UNC5D: variants seen among roughly 807,000 people sequenced by gnomAD.
UNC5D encodes the protein netrin receptor UNC5D.
UNC5D carries 39 observed loss-of-function variants against 105.4 expected under a neutral mutation model. That is an observed-to-expected ratio of 0.37 (90% CI 0.29 to 0.48). UNC5D has a LOEUF of 0.48. Ranked by LOEUF, UNC5D falls within the 20% of genes least tolerant of loss-of-function variation. The pLI is 0.98. For missense variants in UNC5D, 991 were observed against 1,202.4 expected (o/e 0.82, Z 2.60); for synonymous variants, 452 against 450.4 (o/e 1.00, Z -0.04).
chr8:35,412,110 G>A (rs1361418763), intron 1 of UNC5D, among the ~76,000 whole-genome samples: 1 of 151,986 alleles, frequency 6.6e-6, no homozygotes, highest in Admixed American at 6.6e-5. Flanking sequence ...ACTGCCTCTG[G>A]TCAGTGTCTG....
intron 12 of UNC5D, among the ~76,000 whole-genome samples, 156 bp downstream of exon 12, chr8:35,748,851 GTTT>G (rs1196519728): frequency 6.6e-6 from 1 of 151,972 alleles, no homozygotes; most frequent in Non-Finnish European, 1.5e-5. Context: ...TTGGCTAGTT[GTTT>G]TTCTTCCCCC....
intron 14 of UNC5D, among the ~76,000 whole-genome samples, chr8:35,762,938 G>C (rs931722373): frequency 1.3e-5 from 2 of 152,100 alleles, no homozygotes; most frequent in African/African-American, 4.8e-5. Context: ...AATTATAATA[G>C]GAGTCAAAAT....
intron 4 of UNC5D, among the ~76,000 whole-genome samples, chr8:35,634,401 A>G (rs983492525): frequency 1.3e-5 from 2 of 152,254 alleles, no homozygotes; most frequent in Admixed American, 6.5e-5. Context: ...TAGAAACACT[A>G]TAGCAAAACA....
intron 1 of UNC5D, among the ~76,000 whole-genome samples, chr8:35,432,085 G>C (rs540680585): frequency 6.6e-6 from 1 of 152,222 alleles, no homozygotes; most frequent in South Asian, 2.1e-4. Flanking sequence ...CAGTATACCT[G>C]AGTTGGAATT....
intron 1 of UNC5D, among the ~76,000 whole-genome samples, chr8:35,415,906 T>C (rs1381606783): frequency 6.6e-6 from 1 of 152,158 alleles, no homozygotes; most frequent in Non-Finnish European, 1.5e-5. Flanking sequence ...CTGAAAGACC[T>C]GAGTTTGATT....
intron 1 of UNC5D, among the ~76,000 whole-genome samples, chr8:35,350,742 A>G (rs1029870085): frequency 1.3e-5 from 2 of 151,982 alleles, no homozygotes; most frequent in African/African-American, 4.8e-5. Context: ...TGTTTAATAA[A>G]CCGGGGGAAT....
intron 1 of UNC5D, among the ~76,000 whole-genome samples, chr8:35,547,285 CT>C (rs11363785): frequency 0.041 from 5,199 of 127,972 alleles, 178 homozygotes; most frequent in African/African-American, 0.11. Flanking sequence ...GAACATTACT[CT>C]TTTTTTTTTT....
chr8:35,334,916 C>T (rs1438008737), intron 1 of UNC5D, among the ~76,000 whole-genome samples: 1 of 152,188 alleles, frequency 6.6e-6, no homozygotes, highest in Admixed American at 6.5e-5. Context: ...ACGCCTCACC[C>T]CAGAACTTTC....
chr8:35,577,067 A>G (rs1211288713), intron 3 of UNC5D, among the ~76,000 whole-genome samples: 1 of 152,154 alleles, frequency 6.6e-6, no homozygotes, highest in Non-Finnish European at 1.5e-5. Flanking sequence ...CTATATGTTT[A>G]TTTATATAGA....
intron 1 of UNC5D, among the ~76,000 whole-genome samples, chr8:35,410,804 C>T (rs1805114664): frequency 6.6e-6 from 1 of 152,114 alleles, no homozygotes; most frequent in African/African-American, 2.4e-5. Context: ...GCGTGGAGCC[C>T]CCATCTTCTG....
At chr8:35,514,872 T>C (rs1468534890) in intron 1 of UNC5D, among the ~76,000 whole-genome samples, 1 of 152,226 alleles carries the variant, frequency 6.6e-6, no homozygotes, top group Non-Finnish European at 1.5e-5. Context: ...TTTTGTCTTC[T>C]TCAGCTGGCA....
At chr8:35,408,355 G>C (rs1804942680) in intron 1 of UNC5D, among the ~76,000 whole-genome samples, 1 of 151,208 alleles carries the variant, frequency 6.6e-6, no homozygotes, top group African/African-American at 2.4e-5. Flanking sequence ...ATGTAGATAT[G>C]ACAATCTAGG....
intron 1 of UNC5D, among the ~76,000 whole-genome samples, chr8:35,242,653 T>G (rs1260864645): frequency 1.3e-5 from 2 of 152,082 alleles, no homozygotes; most frequent in East Asian, 3.9e-4. Flanking sequence ...AATGTTTGTA[T>G]TTTTACAGAC....
chr8:35,619,113 C>T (rs945077768), intron 4 of UNC5D, among the ~76,000 whole-genome samples: 5 of 152,046 alleles, frequency 3.3e-5, no homozygotes, highest in African/African-American at 1.2e-4. Context: ...GCTCAAGCAT[C>T]CAACAAATGA....
At chr8:35,786,758 ATCT>A in intron 16 of UNC5D, among the ~76,000 whole-genome samples, 1 of 152,118 alleles carries the variant, frequency 6.6e-6, no homozygotes, top group African/African-American at 2.4e-5. Flanking sequence ...GTTCAGCCTG[ATCT>A]TCTTTCAAAT....
rs569849020 is a variant in UNC5D, at chr8:35,779,708, G to A, written c.2657+5231G>A. On this transcript the variant is annotated intron_variant, in intron 16 of 16. Transcript: ENST00000404895. Reference sequence around the variant, plus strand: ...TGGCCTCAAGTAATCCGCCTGCCTCGGCCTCCCAAAGTGCTGAGATTACAG... The same window carrying A: ...TGGCCTCAAGTAATCCGCCTGCCTCAGCCTCCCAAAGTGCTGAGATTACAG... Among the ~76,000 whole-genome samples, 3 of 152,098 alleles carry A rather than the reference G, an allele frequency of 2.0e-5. No individual in the cohort carries two copies. The East Asian group carries it at 5.8e-4, about 29-fold the overall frequency.
chr8:35,726,109 T>G (rs778872436), intron 9 of UNC5D, 43 bp from the exon 10 acceptor site: 1 of 1,571,686 alleles, frequency 6.4e-7, no homozygotes, highest in Non-Finnish European at 8.6e-7. Context: ...GTAACTGAGA[T>G]GCCTTTTAGT....
intron 1 of UNC5D, among the ~76,000 whole-genome samples, chr8:35,327,528 C>A (rs1810261988): frequency 1.3e-5 from 2 of 152,206 alleles, no homozygotes; most frequent in Admixed American, 1.3e-4. Flanking sequence ...TCTGTGAGTG[C>A]ACAAGGTGCC....
intron 1 of UNC5D, among the ~76,000 whole-genome samples, chr8:35,376,731 C>T (rs983575362): frequency 1.3e-5 from 2 of 152,164 alleles, no homozygotes; most frequent in Admixed American, 6.5e-5. Context: ...GCCTTCTGCA[C>T]TTGGTCCTAA....
Sources: gnomAD v4.1 joint callset for allele counts (sites outside exome capture counted in the v4.1 genomes callset) on GRCh38, gnomAD v4.1.1 for gene constraint, MANE v1.5 for transcripts, NCBI Gene and HGNC (gene_info 2026-07-23, HGNC 2026-07-21) for gene names.